CELF2: variants seen among roughly 807,000 people sequenced by gnomAD.
CELF2 encodes CUGBP Elav-like family member 2.
CELF2 carries 8 observed loss-of-function variants against 62.6 expected under a neutral mutation model. That is an observed-to-expected ratio of 0.13 (90% CI 0.07 to 0.23). The LOEUF is 0.23. CELF2 is among the 10% of genes least tolerant of loss of function. The pLI is 1.00. For missense variants in CELF2, 333 were observed against 671.0 expected (o/e 0.50, Z 5.56); for synonymous variants, 258 against 250.0 (o/e 1.03, Z -0.30).
At chr10:10,973,230 G>A (rs552476004) in intron 2 of CELF2, among the ~76,000 whole-genome samples, 3 of 151,570 alleles carry the variant, frequency 2.0e-5, no homozygotes, top group African/African-American at 7.3e-5. Flanking sequence ...GCAGTGAGCC[G>A]AGACCACACC....
intron 1 of CELF2, among the ~76,000 whole-genome samples, chr10:11,133,397 T>C (rs1458833890): frequency 6.6e-6 from 1 of 152,192 alleles, no homozygotes; most frequent in Non-Finnish European, 1.5e-5. Flanking sequence ...CAAAAGCATA[T>C]GCCGTGGGAC....
At chr10:10,604,697 G>GA in the CELF2 span, among the ~76,000 whole-genome samples, 5 of 150,358 alleles carry the variant, frequency 3.3e-5, no homozygotes, top group South Asian at 1.1e-3. Flanking sequence ...CAGATAATGG[G>GA]AAAAAGCAGT....
At chr10:10,721,336 G>A in the CELF2 span, among the ~76,000 whole-genome samples, 1 of 151,800 alleles carries the variant, frequency 6.6e-6, no homozygotes, top group Non-Finnish European at 1.5e-5. Context: ...TTTTACCCCT[G>A]TTAATCTACA....
intron 2 of CELF2, among the ~76,000 whole-genome samples, chr10:10,977,114 CA>C (rs35975041): frequency 0.33 from 49,585 of 150,950 alleles, 12,511 homozygotes; most frequent in African/African-American, 0.71. Flanking sequence ...CAAACACCTG[CA>C]AAAAAAAACT....
intron 1 of CELF2, among the ~76,000 whole-genome samples, chr10:11,147,066 G>A (rs1024400195): frequency 6.6e-6 from 1 of 152,140 alleles, no homozygotes; most frequent in Non-Finnish European, 1.5e-5. Context: ...ACATTACTAC[G>A]TCCTGTTTAT....
chr10:10,799,813 G>A (rs2054475902), intron 1 of CELF2, among the ~76,000 whole-genome samples: 1 of 152,148 alleles, frequency 6.6e-6, no homozygotes, highest in Non-Finnish European at 1.5e-5. Flanking sequence ...GGGCTTCACT[G>A]ACTGTAAATG....
intron 1 of CELF2, among the ~76,000 whole-genome samples, chr10:10,853,811 G>A (rs568893605): frequency 7.4e-4 from 113 of 152,106 alleles, no homozygotes; most frequent in Non-Finnish European, 1.4e-3. Flanking sequence ...GATCCTCCGA[G>A]AAAATCAGGA....
chr10:10,619,101 C>T, the CELF2 span, among the ~76,000 whole-genome samples: 10 of 152,320 alleles, frequency 6.6e-5, no homozygotes, highest in Middle Eastern at 3.4e-3. Context: ...CATGCCTGGC[C>T]GCCAGATAGC....
Position 11,283,696 on chromosome 10 carries a change from G to A in CELF2, c.842-4722G>A, listed in dbSNP as rs2089841594. Among the ~76,000 whole-genome samples the A allele has an allele frequency of 2.0e-5, 3 of 151,106 alleles. No homozygotes were observed. In the South Asian group the frequency reaches 6.3e-4, roughly 32 times the overall value. On this transcript the variant is annotated intron_variant, in intron 8 of 12. Transcript: ENST00000633077. ...GGGTGGATGATGGATGGATGGATGGGTGGGTCAAATATGTCCTGGAGGGGG... is the reference window on the plus strand; with the variant it reads ...GGGTGGATGATGGATGGATGGATGGATGGGTCAAATATGTCCTGGAGGGGG...
chr10:11,164,140 G>A (rs893166910), intron 1 of CELF2, among the ~76,000 whole-genome samples: 6 of 152,198 alleles, frequency 3.9e-5, no homozygotes, highest in Admixed American at 1.3e-4. Context: ...TTGTTTCGGC[G>A]CCTTCTATTT....
In CELF2 at chr10:11,332,973, C is replaced by T. The variant is rs1376664352; in HGVS notation, c.*3920C>T. ...GACACGTACCACGTACGTGGAAACA[C>T]AAGAGCCCACCACTTGAATTTCTAA... On this transcript the variant is annotated 3_prime_UTR_variant, in exon 13 of 13. Coordinates refer to ENST00000633077, the MANE Select transcript of CELF2 (RefSeq NM_001326342.2). 1 of 152,648 alleles carries T rather than the reference C, an allele frequency of 6.6e-6. No individual in the cohort carries two copies. Among genetic ancestry groups the T allele is most frequent in the Non-Finnish European group, 1.5e-5 (1 of 68,042 alleles). 9.5% of individuals were successfully genotyped at this position (152,648 alleles called of 1,614,324 possible).
At chr10:10,485,070 TA>T in the CELF2 span, among the ~76,000 whole-genome samples, 1 of 152,070 alleles carries the variant, frequency 6.6e-6, no homozygotes, top group East Asian at 1.9e-4. Context: ...GGCAGCCCAG[TA>T]ATATTTTTTT....
At chr10:11,317,053 A>G (rs964931258) in intron 10 of CELF2, 1 of 152,056 alleles carries the variant, frequency 6.6e-6, no homozygotes, top group Non-Finnish European at 1.5e-5. Flanking sequence ...TCCACCCAAG[A>G]GTCTGTATCT....
chr10:11,333,997 T>C lies in CELF2; in HGVS notation c.*4944T>C, dbSNP rs1307597942. 1.3e-5 allele frequency: 2 copies of C among 152,584 alleles called. No homozygotes were observed. The highest frequency in any genetic ancestry group is 2.9e-5 in the Non-Finnish European group (2 of 68,044). The allele number at this position is 152,584 out of a possible 1,614,324, so 9.5% of individuals were successfully genotyped here. A position where few individuals can be genotyped will look rare whatever the true frequency, so the allele number is the denominator to read the frequency against. On this transcript the variant is annotated 3_prime_UTR_variant, in exon 13 of 13. Coordinates refer to ENST00000633077, the MANE Select transcript of CELF2 (RefSeq NM_001326342.2). The stretch of plus-strand genomic sequence containing the variant: ...GATTGATTGATTGATAGAAAGAAAG[T>C]TGCTTTTCTTTTGAGAATTAAAAAC...
chr10:11,326,348 A>G (rs2095725951), intron 12 of CELF2, among the ~76,000 whole-genome samples: 1 of 152,250 alleles, frequency 6.6e-6, no homozygotes, highest in African/African-American at 2.4e-5. Flanking sequence ...ACTTTCACAG[A>G]CAGACACCCA....
At chr10:10,526,615 C>G in the CELF2 span, among the ~76,000 whole-genome samples, 1 of 152,196 alleles carries the variant, frequency 6.6e-6, no homozygotes, top group Admixed American at 6.5e-5. Flanking sequence ...AGCCAACAGG[C>G]ATCTCAAAGT....
rs1419682864 is a variant in CELF2 at position 11,220,969 on chromosome 10, G to A, written c.354+3462G>A. Among the ~76,000 whole-genome samples, 1 of 152,244 alleles carries A rather than the reference G, an allele frequency of 6.6e-6. No homozygotes were observed. The highest frequency in any genetic ancestry group is 1.5e-5 in the Non-Finnish European group (1 of 68,038). Reference sequence around the variant, plus strand: ...AATCTAGCTGGAAGGGTGGACAGTAGACAGGTAGTTAATACTTACATGGTT... The same window carrying A: ...AATCTAGCTGGAAGGGTGGACAGTAAACAGGTAGTTAATACTTACATGGTT... On this transcript the variant is annotated intron_variant, in intron 3 of 12. Coordinates refer to ENST00000633077, the MANE Select transcript of CELF2 (RefSeq NM_001326342.2). This position sits in a 1 kb window ranked among gnomAD's most constrained non-coding sequence, Gnocchi z 4.4.
the CELF2 span, among the ~76,000 whole-genome samples, chr10:10,605,948 G>T: frequency 1.3e-5 from 2 of 152,180 alleles, no homozygotes; most frequent in Admixed American, 1.3e-4. Flanking sequence ...TGCCTGTAAT[G>T]TATGATCTAT....
rs2047778699 is a variant in CELF2 at position 10,947,126 on chromosome 10, T to C, written c.89+27127T>C. 6.6e-6 allele frequency: 1 copy of C among 152,258 alleles called. No individual in the cohort carries two copies. Among genetic ancestry groups the C allele is most frequent in the South Asian group, 2.1e-4 (1 of 4,824 alleles). The allele number at this position is 152,258 out of a possible 1,614,324, so 9.4% of individuals were successfully genotyped here. A position where few individuals can be genotyped will look rare whatever the true frequency, so the allele number is the denominator to read the frequency against. ...CTGGAAGGCTTTGCTGTCCTTGCTG[T>C]GTGTAAGATCGGAGAAGGCAAGGAA... On this transcript the variant is annotated intron_variant, in intron 2 of 13. Transcript: ENST00000636488. This position sits in a 1 kb window ranked among gnomAD's most constrained non-coding sequence, Gnocchi z 4.1.
Sources: allele counts gnomAD v4.1 joint callset (sites outside exome capture counted in the v4.1 genomes callset), GRCh38; gene constraint gnomAD v4.1.1; non-coding constraint Gnocchi (gnomAD v3.1); transcripts MANE v1.5; gene names NCBI Gene and HGNC (gene_info 2026-07-23, HGNC 2026-07-21).